Variants in HELZ observed in about 807,000 individuals in gnomAD.
HELZ encodes the protein ATP-dependent RNA helicase with zinc finger domain.
Under a neutral mutation model 218.2 loss-of-function variants are expected in HELZ, and 23 were observed. The ratio of observed to expected loss-of-function variants is 0.11; its 90% CI spans 0.08 to 0.15. HELZ has a LOEUF of 0.15. HELZ is among the 10% of genes least tolerant of loss of function. HELZ has a pLI of 1.00. For missense variants in HELZ, 1,813 were observed against 2,353.7 expected (o/e 0.77, Z 4.75); for synonymous variants, 814 against 829.4 (o/e 0.98, Z 0.32).
intron 25 of HELZ, among the ~76,000 whole-genome samples, 190 bp downstream of exon 25, chr17:67,123,773 A>C (rs1057456384): frequency 1.5e-4 from 23 of 151,656 alleles, no homozygotes; most frequent in Admixed American, 1.2e-3. Flanking sequence ...CACTGATAAA[A>C]CCCTAAGTGT....
chr17:67,178,063 T>C (rs1351212895), intron 13 of HELZ, among the ~76,000 whole-genome samples: 3 of 152,182 alleles, frequency 2.0e-5, no homozygotes, highest in Admixed American at 1.3e-4. Flanking sequence ...AATACAACTA[T>C]TTCACTAATC....
At chr17:67,197,547 G>T (rs1050439605) in intron 7 of HELZ, among the ~76,000 whole-genome samples, 1 of 152,150 alleles carries the variant, frequency 6.6e-6, no homozygotes, top group African/African-American at 2.4e-5. Flanking sequence ...TTAGCTGTGT[G>T]CATCTCTGAC....
intron 21 of HELZ, among the ~76,000 whole-genome samples, chr17:67,143,920 C>T (rs1009823347): frequency 1.2e-4 from 19 of 152,140 alleles, no homozygotes; most frequent in African/African-American, 4.3e-4. Flanking sequence ...CTTATAATTC[C>T]AAACTTTTTT....
At position 67,128,523 on chromosome 17, in the gene HELZ, A is replaced by C. The variant is rs1193538833; in HGVS notation, c.3387+128T>G. ...TCCACACTAAACAAGCTCCTTGCAGAAACCGCTTGCCGCCAAATGTAACCT... is the reference window on the plus strand; with the variant it reads ...TCCACACTAAACAAGCTCCTTGCAGCAACCGCTTGCCGCCAAATGTAACCT... On this transcript the variant is annotated intron_variant, in intron 24 of 32. Transcript: ENST00000358691. 3.8e-6 allele frequency: 3 copies of C among 796,418 alleles called. No individual in the cohort carries two copies. The East Asian group carries it at 7.3e-5, about 19-fold the overall frequency. The allele number at this position is 796,418 out of a possible 1,614,324, so 49.3% of individuals were successfully genotyped here. A position where few individuals can be genotyped will look rare whatever the true frequency, so the allele number is the denominator to read the frequency against.
In HELZ at chr17:67,188,002, T is replaced by C. The variant is rs1486506152; in HGVS notation, c.1162+317A>G. 1.3e-5 allele frequency among the ~76,000 whole-genome samples: 2 copies of C among 152,182 alleles called. No individual in the cohort carries two copies. Among genetic ancestry groups the C allele is most frequent in the African/African-American group, 4.8e-5 (2 of 41,452 alleles). On this transcript the variant is annotated intron_variant, in intron 12 of 32. Coordinates refer to ENST00000358691, the MANE Select transcript of HELZ (RefSeq NM_014877.4). This position sits in a 1 kb window ranked among gnomAD's most constrained non-coding sequence, Gnocchi z 4.1. The stretch of plus-strand genomic sequence containing the variant: ...CATTAAAATGATATTCTACCCAAAC[T>C]AATATTGAAAGATATTACTGTGCTA...
At chr17:67,244,684 C>A in intron 1 of HELZ, 1 of 982,668 alleles carries the variant, frequency 1.0e-6, no homozygotes, top group African/African-American at 1.7e-5. Flanking sequence ...CCGCTCCAGC[C>A]CCCACCCCAC....
intron 21 of HELZ, among the ~76,000 whole-genome samples, chr17:67,139,201 A>C (rs2038245495): frequency 6.6e-6 from 1 of 152,192 alleles, no homozygotes; most frequent in South Asian, 2.1e-4. Flanking sequence ...ATACAAATTC[A>C]GTGAACTACA....
intron 17 of HELZ, among the ~76,000 whole-genome samples, chr17:67,151,675 G>C (rs1470319515): frequency 6.6e-6 from 1 of 152,042 alleles, no homozygotes; most frequent in Non-Finnish European, 1.5e-5. Flanking sequence ...GAATTCAAAG[G>C]TTATTTTCAT....
Position 67,120,343 on chromosome 17 carries a change from A to G in HELZ, c.3838+62T>C, listed in dbSNP as rs561051545. On this transcript the variant is annotated intron_variant, in intron 27 of 32. Coordinates refer to ENST00000358691, the MANE Select transcript of HELZ (RefSeq NM_014877.4). ...AATCATACTGTTAAAGGAACTTTCTATGTGGCTAAAACTTTACCTGTCATC... is the reference window on the plus strand; with the variant it reads ...AATCATACTGTTAAAGGAACTTTCTGTGTGGCTAAAACTTTACCTGTCATC... The G allele has an allele frequency of 9.7e-6, 13 of 1,337,164 alleles. No individual in the cohort carries two copies. In the South Asian group the frequency reaches 1.3e-4, roughly 14 times the overall value. The allele number at this position is 1,337,164 out of a possible 1,614,324, so 82.8% of individuals were successfully genotyped here.
rs1423062526 is a variant in HELZ at position 67,108,963 on chromosome 17, T to C, written c.4489+153A>G. 1.3e-5 allele frequency among the ~76,000 whole-genome samples: 2 copies of C among 152,168 alleles called. No individual in the cohort carries two copies. Among genetic ancestry groups the C allele is most frequent in the East Asian group, 1.9e-4 (1 of 5,192 alleles). ...ATCCACTGGATACTATCATACAGCA[T>C]TTAGAACTAGTTTCTGATTATCACA... On this transcript the variant is annotated intron_variant, in intron 29 of 32. Coordinates refer to ENST00000358691, the MANE Select transcript of HELZ (RefSeq NM_014877.4). This position sits in a 1 kb window ranked among gnomAD's most constrained non-coding sequence, Gnocchi z 4.1.
intron 5 of HELZ, among the ~76,000 whole-genome samples, chr17:67,212,856 G>T (rs1196211809): frequency 6.6e-6 from 1 of 152,114 alleles, no homozygotes; most frequent in Non-Finnish European, 1.5e-5. Context: ...TCCCAGAAAT[G>T]AGATTAGTGG....
intron 17 of HELZ, among the ~76,000 whole-genome samples, chr17:67,153,011 A>G (rs1386050766): frequency 6.6e-6 from 1 of 152,176 alleles, no homozygotes; most frequent in Non-Finnish European, 1.5e-5. Flanking sequence ...AAGGAAACCA[A>G]TATGATGAAC....
intron 17 of HELZ, among the ~76,000 whole-genome samples, chr17:67,156,891 CCA>C (rs1400008012): frequency 6.6e-6 from 1 of 152,134 alleles, no homozygotes; most frequent in African/African-American, 2.4e-5. Context: ...AATGTAATCC[CCA>C]GTGTTGGAGG....
At chr17:67,178,608 A>G in intron 13 of HELZ, 51 bp downstream of exon 13, 9 of 1,450,832 alleles carry the variant, frequency 6.2e-6, no homozygotes, top group Non-Finnish European at 8.5e-6. Flanking sequence ...GATTAGAAAT[A>G]CCATCCAAAG....
chr17:67,156,660 T>C (rs981223959), intron 17 of HELZ, among the ~76,000 whole-genome samples: 2 of 152,074 alleles, frequency 1.3e-5, no homozygotes, highest in Non-Finnish European at 2.9e-5. Context: ...TCTGCTTCCC[T>C]TCTAACTCTC....
intron 13 of HELZ, among the ~76,000 whole-genome samples, chr17:67,170,340 C>T (rs1024141727): frequency 1.8e-4 from 27 of 152,182 alleles, no homozygotes; most frequent in African/African-American, 5.5e-4. Context: ...CCTGGTGAAA[C>T]CCCGTCTCTA....
In HELZ at chr17:67,074,019, C is replaced by A. The variant is rs901749940; in HGVS notation, c.*4233G>T. ...CTACGTGATATTTTGAACAAGAAAT[C>A]GTAGATAGAACATTACCTATTCTTT... On this transcript the variant is annotated 3_prime_UTR_variant, in exon 33 of 33. Transcript: ENST00000358691. 1.3e-5 allele frequency: 2 copies of A among 152,118 alleles called. No individual in the cohort carries two copies. The highest frequency in any genetic ancestry group is 4.8e-5 in the African/African-American group (2 of 41,424). 9.4% of individuals were successfully genotyped at this position (152,118 alleles called of 1,614,324 possible).
chr17:67,081,439 G>A (rs574778101), intron 32 of HELZ, among the ~76,000 whole-genome samples: 37 of 152,292 alleles, frequency 2.4e-4, no homozygotes, highest in African/African-American at 8.7e-4. Context: ...CAACAGAGAG[G>A]TGAGTTAGTT....
Position 67,077,417 on chromosome 17 carries a change from A to AT in HELZ, c.*834dup, listed in dbSNP as rs2036045412. On this transcript the variant is annotated 3_prime_UTR_variant, in exon 33 of 33. Transcript: ENST00000358691. ...AAAAAGAATTTTACTAAATTCACGC[A>AT]TTTTTAAAATAGTTATCAAGTCTAC... 6.6e-6 allele frequency: 1 copy of AT among 152,266 alleles called. No individual in the cohort carries two copies. The highest frequency in any genetic ancestry group is 1.5e-5 in the Non-Finnish European group (1 of 68,000). 9.4% of individuals were successfully genotyped at this position (152,266 alleles called of 1,614,324 possible).
Sources: gnomAD v4.1 joint callset for allele counts (sites outside exome capture counted in the v4.1 genomes callset) on GRCh38, gnomAD v4.1.1 for gene constraint, Gnocchi (gnomAD v3.1) non-coding constraint, MANE v1.5 for transcripts, NCBI Gene and HGNC (gene_info 2026-07-23, HGNC 2026-07-21) for gene names.